DOCK4: variants seen among roughly 807,000 people sequenced by gnomAD.
DOCK4 encodes the protein dedicator of cytokinesis protein 4.
Under a neutral mutation model 268.1 loss-of-function variants are expected in DOCK4, and 97 were observed. That is an observed-to-expected ratio of 0.36 (90% CI 0.31 to 0.43). DOCK4 has a LOEUF of 0.43. Among genes scored for constraint, DOCK4 ranks in the 20% least tolerant of loss-of-function variants. The pLI, the probability that DOCK4 is intolerant of heterozygous loss-of-function variation, is 1.00. For synonymous variants in DOCK4, 954 were observed against 887.2 expected (o/e 1.08, Z -1.34); for missense variants, 2,145 against 2,455.7 (o/e 0.87, Z 2.67).
intron 37 of DOCK4, among the ~76,000 whole-genome samples, chr7:111,768,404 C>A (rs988690893): frequency 6.6e-6 from 1 of 152,200 alleles, no homozygotes; most frequent in Non-Finnish European, 1.5e-5. Flanking sequence ...GTGGAAGAAG[C>A]AACTTCCTTG....
At chr7:111,982,234 T>C (rs761048907) in intron 7 of DOCK4, among the ~76,000 whole-genome samples, 27 of 152,228 alleles carry the variant, frequency 1.8e-4, no homozygotes, top group Non-Finnish European at 3.5e-4. Context: ...CCATGTTCAA[T>C]GTAGCAGAAA....
intron 25 of DOCK4, chr7:111,840,846 A>T (rs1320728245): frequency 7.4e-7 from 1 of 1,351,218 alleles, no homozygotes; most frequent in Non-Finnish European, 9.8e-7. Context: ...CCATGTGAAG[A>T]CTCCCTATTC....
intron 1 of DOCK4, among the ~76,000 whole-genome samples, chr7:112,006,751 C>G (rs192102339): frequency 2.6e-3 from 397 of 152,306 alleles, no homozygotes; most frequent in Non-Finnish European, 4.4e-3. Context: ...CCAAACCAGC[C>G]TTGTCTGTGT....
intron 39 of DOCK4, among the ~76,000 whole-genome samples, chr7:111,762,415 T>C (rs573337695): frequency 2.6e-5 from 4 of 152,334 alleles, no homozygotes; most frequent in African/African-American, 9.6e-5. Context: ...TACTTTTTGT[T>C]TCTATGGATT....
intron 1 of DOCK4, among the ~76,000 whole-genome samples, chr7:112,120,717 A>G: frequency 6.6e-6 from 1 of 152,228 alleles, no homozygotes; most frequent in East Asian, 1.9e-4. Flanking sequence ...ATATTATACT[A>G]TATAAAATTG....
At chr7:111,772,961 G>T (rs1291750418) in intron 36 of DOCK4, among the ~76,000 whole-genome samples, 1 of 152,154 alleles carries the variant, frequency 6.6e-6, no homozygotes, top group African/African-American at 2.4e-5. Flanking sequence ...GCACTGGCAG[G>T]CAATCAGATG....
chr7:112,115,656 T>C (rs1168970106), intron 1 of DOCK4, among the ~76,000 whole-genome samples: 1 of 151,420 alleles, frequency 6.6e-6, no homozygotes, highest in Non-Finnish European at 1.5e-5. Flanking sequence ...CATCCACCCA[T>C]CCATCCATCC....
At chr7:111,898,343 G>T (rs917873673) in intron 15 of DOCK4, among the ~76,000 whole-genome samples, 1 of 152,182 alleles carries the variant, frequency 6.6e-6, no homozygotes, top group Non-Finnish European at 1.5e-5. Flanking sequence ...TTAGTTTGTT[G>T]CCAACACATG....
chr7:111,840,720 G>T, intron 25 of DOCK4: 1 of 1,038,444 alleles, frequency 9.6e-7, no homozygotes, highest in Non-Finnish European at 1.3e-6. Context: ...CAGAGCACTG[G>T]AAGAATTCAC....
chr7:112,166,406 G>A lies in DOCK4; in HGVS notation c.37+39696C>T, dbSNP rs533389122. ...AATCTATGCCACGAGCATATCCACCGCCTCCAAAAGATTCCTCCTGTCCAC... is the reference window on the plus strand; with the variant it reads ...AATCTATGCCACGAGCATATCCACCACCTCCAAAAGATTCCTCCTGTCCAC... On this transcript the variant is annotated intron_variant, in intron 1 of 52. Coordinates refer to ENST00000428084, the MANE Select transcript of DOCK4 (RefSeq NM_001363540.2). Among the ~76,000 whole-genome samples, 26 of 150,736 alleles carry A rather than the reference G, an allele frequency of 1.7e-4. No homozygotes were observed. The South Asian group carries it at 3.9e-3, about 23-fold the overall frequency.
chr7:112,055,012 C>T (rs960749382), intron 1 of DOCK4, among the ~76,000 whole-genome samples: 1 of 152,196 alleles, frequency 6.6e-6, no homozygotes, highest in African/African-American at 2.4e-5. Flanking sequence ...AGTATTTGTA[C>T]AGTCCATGTA....
chr7:111,925,528 G>A (rs1214103703), intron 12 of DOCK4, among the ~76,000 whole-genome samples: 1 of 152,204 alleles, frequency 6.6e-6, no homozygotes, highest in Non-Finnish European at 1.5e-5. Flanking sequence ...AGCCAGGTTA[G>A]ATGGAGAAAT....
chr7:111,824,030 G>A (rs1402519884), intron 26 of DOCK4, among the ~76,000 whole-genome samples: 1 of 152,162 alleles, frequency 6.6e-6, no homozygotes, highest in Non-Finnish European at 1.5e-5. Context: ...TTGATATGTA[G>A]TATGCGCCAT....
intron 1 of DOCK4, among the ~76,000 whole-genome samples, chr7:112,148,340 T>G (rs531520420): frequency 7.2e-5 from 11 of 152,226 alleles, no homozygotes; most frequent in Non-Finnish European, 1.5e-4. Context: ...AGGACTAACA[T>G]AGAACCAACC....
At chr7:112,055,449 G>A (rs1805726762) in intron 1 of DOCK4, among the ~76,000 whole-genome samples, 1 of 152,116 alleles carries the variant, frequency 6.6e-6, no homozygotes, top group Admixed American at 6.6e-5. Context: ...GGGAATACCT[G>A]GAGAAAACCC....
chr7:111,914,790 C>A (rs75716686), intron 13 of DOCK4, among the ~76,000 whole-genome samples: 37 of 152,180 alleles, frequency 2.4e-4, no homozygotes, highest in Non-Finnish European at 1.8e-4. Context: ...GTTTTACTTA[C>A]ATATTTATTA....
chr7:112,088,993 A>G (rs1199185225), intron 1 of DOCK4, among the ~76,000 whole-genome samples: 2 of 152,154 alleles, frequency 1.3e-5, no homozygotes, highest in Non-Finnish European at 2.9e-5. Flanking sequence ...TAAAAGACAC[A>G]CTGGATTTCG....
intron 13 of DOCK4, among the ~76,000 whole-genome samples, chr7:111,903,229 A>G (rs6466392): frequency 0.26 from 39,985 of 152,076 alleles, 6,464 homozygotes; most frequent in African/African-American, 0.46. Flanking sequence ...GGCATCATTT[A>G]CAAATGACCT....
At chr7:112,081,985 A>G (rs911231214) in intron 1 of DOCK4, among the ~76,000 whole-genome samples, 1 of 152,198 alleles carries the variant, frequency 6.6e-6, no homozygotes, top group African/African-American at 2.4e-5. Context: ...AAGTCACTGA[A>G]GGTTCTCCCA....
Sources: gnomAD v4.1 joint callset for allele counts (sites outside exome capture counted in the v4.1 genomes callset) on GRCh38, gnomAD v4.1.1 for gene constraint, MANE v1.5 for transcripts, NCBI Gene and HGNC (gene_info 2026-07-23, HGNC 2026-07-21) for gene names.